Variants in NRK observed in about 807,000 individuals in gnomAD.
NRK encodes the protein Nik related kinase.
In NRK, 67 loss-of-function variants were observed where a neutral mutation model predicts 125.2. The observed-to-expected ratio is 0.54, with a 90% CI of 0.44 to 0.66. The LOEUF is 0.66. Ranked by LOEUF, NRK falls within the 30% of genes least tolerant of loss-of-function variation. The probability of loss-of-function intolerance (pLI) is 0.00; values close to 1 mark genes in which losing one functional copy is unlikely to be tolerated. For synonymous variants in NRK, 458 were observed against 429.0 expected (o/e 1.07, Z -0.84); for missense variants, 1,224 against 1,192.9 (o/e 1.03, Z -0.38).
chrX:105,953,920 C>T (rs747215390), intron 28 of NRK, among the ~76,000 whole-genome samples: 25 of 110,861 alleles, frequency 2.3e-4, no homozygotes, highest in Non-Finnish European at 4.5e-4. Context: ...GGGTAAAGCA[C>T]TGTATGTCAA....
chrX:105,941,679 A>C (rs1388816047), intron 23 of NRK, among the ~76,000 whole-genome samples: 1 of 110,750 alleles, frequency 9.0e-6, no homozygotes, highest in Non-Finnish European at 1.9e-5. Context: ...AACATATTCC[A>C]TAAGAACCAG....
chrX:105,925,156 T>A, intron 19 of NRK, 125 bp downstream of exon 19: 1 of 512,531 alleles, frequency 2.0e-6, no homozygotes, highest in African/African-American at 2.4e-5. Flanking sequence ...CTTAAACATT[T>A]TTAATTATAG....
intron 25 of NRK, 144 bp downstream of exon 25, chrX:105,946,159 A>G (rs2040810017): frequency 1.3e-6 from 1 of 743,184 alleles, no homozygotes; most frequent in Non-Finnish European, 1.9e-6. Context: ...GGTCTAAGAA[A>G]AACTGTAATA....
At chrX:105,830,010 G>C (rs909461755) in intron 1 of NRK, among the ~76,000 whole-genome samples, 1 of 109,686 alleles carries the variant, frequency 9.1e-6, no homozygotes. Context: ...AGTCATCATT[G>C]TTGCATGTTA....
At chrX:105,908,069 A>G (rs1171129326) in intron 11 of NRK, 171 bp from the exon 12 acceptor site, 3 of 325,974 alleles carry the variant, frequency 9.2e-6, no homozygotes, top group Non-Finnish European at 1.6e-5. Flanking sequence ...AAGTGGGCCT[A>G]GAAACTAGAA....
chrX:105,872,814 T>A (rs1050769718), intron 2 of NRK, among the ~76,000 whole-genome samples: 1 of 111,659 alleles, frequency 9.0e-6, no homozygotes, highest in Non-Finnish European at 1.9e-5. Context: ...TCTAGCCACA[T>A]GTCTTTGTTT....
chrX:105,885,867 A>G (rs181737670), intron 4 of NRK, among the ~76,000 whole-genome samples: 2 of 112,233 alleles, frequency 1.8e-5, no homozygotes, highest in Admixed American at 9.5e-5. Flanking sequence ...AGAACTTTAT[A>G]TATGTTATCC....
rs765022774 is a variant in NRK at position 105,909,655 on chromosome X, A to G, written c.2014A>G (p.Asn672Asp). 17 of 1,195,638 alleles carry G rather than the reference A, an allele frequency of 1.4e-5. No homozygotes were observed. The highest frequency in any genetic ancestry group is 3.5e-5 in the African/African-American group (2 of 56,648). The change falls in exon 13 of 29, where the codon AAT becomes GAT. Residue 672 changes from asparagine to aspartate, a missense_variant. Physicochemically the swap from Asn to Asp is conservative, Grantham distance 23. Transcript: ENST00000243300. The stretch of plus-strand genomic sequence containing the variant: ...AACCCTGATGGAAAATCTGTCATCA[A>G]ATAGGTTTTACTCACAACCAGAACA... ...LQTLMENLSS[N>D]RFYSQPEQAR... is the part of the protein sequence containing the mutation.
In NRK at chrX:105,912,732, A is replaced by G; in HGVS notation, c.2326A>G (p.Ile776Val). 1 of 1,086,013 alleles carries G rather than the reference A, an allele frequency of 9.2e-7. No homozygotes were observed. The highest frequency in any genetic ancestry group is 1.2e-6 in the Non-Finnish European group (1 of 807,908). 89.5% of individuals were successfully genotyped at this position (1,086,013 alleles called of 1,213,427 possible). A position where few individuals can be genotyped will look rare whatever the true frequency, so the allele number is the denominator to read the frequency against. Residue 776 changes from isoleucine to valine, a missense_variant, in exon 14 of 29, where the codon ATT becomes GTT. Physicochemically the swap from Ile to Val is conservative, Grantham distance 29. Coordinates refer to ENST00000243300, the MANE Select transcript of NRK (RefSeq NM_198465.4). ...EVQIEPLKPY[I>V]SNPKKIEVQE... ...CCAGATAGAGCCATTGAAGCCATAC[A>G]TTTCAAATCCTAAAAAAATTGAGGT...
At position 105,888,284 on chromosome X, in the gene NRK, T is replaced by C; in HGVS notation, c.253-10T>C. Reference sequence around the variant, plus strand: ...GTTTAGGAGCTTTGCTGTCTATTCTTATTCCATAGGATGAGGAAGAGGATC... The same window carrying C: ...GTTTAGGAGCTTTGCTGTCTATTCTCATTCCATAGGATGAGGAAGAGGATC... On this transcript the variant is annotated splice_polypyrimidine_tract_variant and intron_variant, in intron 4 of 28. Transcript: ENST00000243300. 8.4e-7 allele frequency: 1 copy of C among 1,189,672 alleles called. No individual in the cohort carries two copies. The highest frequency in any genetic ancestry group is 1.1e-6 in the Non-Finnish European group (1 of 882,669).
At chrX:105,859,500 A>G (rs778427821) in intron 2 of NRK, among the ~76,000 whole-genome samples, 27 of 111,806 alleles carry the variant, frequency 2.4e-4, no homozygotes, top group Non-Finnish European at 4.1e-4. Context: ...ATTATTGTAT[A>G]TAGCCAGTAT....
chrX:105,945,588 A>G (rs2040801258), intron 24 of NRK, among the ~76,000 whole-genome samples: 1 of 111,274 alleles, frequency 9.0e-6, no homozygotes, highest in Non-Finnish European at 1.9e-5. Flanking sequence ...GTGTCTGCTG[A>G]TTGGTCAGAG....
At chrX:105,938,421 A>T (rs895789693) in intron 22 of NRK, among the ~76,000 whole-genome samples, 1 of 112,218 alleles carries the variant, frequency 8.9e-6, no homozygotes, top group African/African-American at 3.2e-5. Context: ...CATTTTGGTT[A>T]GAGGAGAAAT....
intron 10 of NRK, among the ~76,000 whole-genome samples, chrX:105,905,693 G>A (rs1473802237): frequency 8.9e-6 from 1 of 112,436 alleles, no homozygotes; most frequent in African/African-American, 3.2e-5. Context: ...CTGTTGATTA[G>A]TACATTAAAC....
chrX:105,918,726 G>A (rs2040397373), intron 16 of NRK, among the ~76,000 whole-genome samples: 1 of 110,690 alleles, frequency 9.0e-6, no homozygotes, highest in African/African-American at 3.3e-5. Flanking sequence ...TTTGAAATAA[G>A]GAAATTCTGG....
intron 5 of NRK, 37 bp downstream of exon 5, chrX:105,888,456 A>G (rs1377500683): frequency 2.7e-6 from 3 of 1,102,442 alleles, no homozygotes; most frequent in Non-Finnish European, 3.6e-6. Context: ...TTCTATAAGA[A>G]TAAGTTTTAC....
intron 5 of NRK, 123 bp downstream of exon 5, chrX:105,888,542 T>G: frequency 3.4e-6 from 2 of 579,798 alleles, no homozygotes; most frequent in Non-Finnish European, 2.6e-6. Context: ...GTTAAGGTAG[T>G]ATGGTGTATT....
chrX:105,822,359 C>A (rs1209766213), upstream of NRK, among the ~76,000 whole-genome samples: 1 of 111,810 alleles, frequency 8.9e-6, no homozygotes, highest in East Asian at 2.9e-4. Flanking sequence ...GGCCTGCTCG[C>A]AAACCGTTAT....
intron 13 of NRK, among the ~76,000 whole-genome samples, chrX:105,912,004 A>G (rs1368552826): frequency 1.8e-5 from 2 of 111,678 alleles, no homozygotes; most frequent in Non-Finnish European, 3.8e-5. Flanking sequence ...AAAGAAAATT[A>G]TTGATAATAT....
Sources: gnomAD v4.1 joint callset for allele counts (sites outside exome capture counted in the v4.1 genomes callset) on GRCh38, gnomAD v4.1.1 for gene constraint, MANE v1.5 for transcripts, NCBI Gene and HGNC (gene_info 2026-07-23, HGNC 2026-07-21) for gene names.